The following ZFAND6 variants were observed in gnomAD, a reference collection of about 807,000 sequenced individuals.
ZFAND6 encodes the protein AN1-type zinc finger protein 6.
ZFAND6 carries 12 observed loss-of-function variants against 24.5 expected under a neutral mutation model. The ratio of observed to expected loss-of-function variants is 0.49; its 90% CI spans 0.31 to 0.79. ZFAND6 has a LOEUF of 0.79. ZFAND6 is among the 30% of genes least tolerant of loss of function. ZFAND6 has a pLI of 0.04. For synonymous variants in ZFAND6, 92 were observed against 81.5 expected, an observed-to-expected ratio of 1.13 and a Z score of -0.69; for missense variants, 207 against 245.9, an observed-to-expected ratio of 0.84 and a Z score of 1.06.
intron 2 of ZFAND6, among the ~76,000 whole-genome samples, chr15:80,112,292 A>C (rs1334743730): frequency 6.6e-6 from 1 of 152,202 alleles, no homozygotes; most frequent in African/African-American, 2.4e-5. Context: ...ACTACAAAGC[A>C]CAGTCAGTAC....
intron 2 of ZFAND6, among the ~76,000 whole-genome samples, chr15:80,104,288 G>A (rs1399015158): frequency 6.6e-6 from 1 of 152,216 alleles, no homozygotes; most frequent in Non-Finnish European, 1.5e-5. Flanking sequence ...TTGGGAGGCT[G>A]AGGCAAGTGG....
intron 2 of ZFAND6, among the ~76,000 whole-genome samples, chr15:80,110,744 C>G (rs1331645183): frequency 2.0e-5 from 3 of 152,148 alleles, no homozygotes; most frequent in Non-Finnish European, 4.4e-5. Context: ...AAAAGATGAT[C>G]ATTTTAGTAA....
chr15:80,122,859 C>T lies in ZFAND6; in HGVS notation c.364+59C>T. The stretch of plus-strand genomic sequence containing the variant: ...TGAGTATTATAGGCCAGACACTATC[C>T]TAGGTGCATGTATAAAAAAATTGCC... On this transcript the variant is annotated intron_variant, in intron 5 of 6. Coordinates refer to ENST00000261749, the MANE Select transcript of ZFAND6 (RefSeq NM_019006.4). The T allele has an allele frequency of 2.9e-6, 4 of 1,359,638 alleles. No homozygotes were observed. In the South Asian group the frequency reaches 5.2e-5, roughly 18 times the overall value. 84.2% of individuals were successfully genotyped at this position (1,359,638 alleles called of 1,614,324 possible). A position where few individuals can be genotyped will look rare whatever the true frequency, so the allele number is the denominator to read the frequency against.
intron 5 of ZFAND6, among the ~76,000 whole-genome samples, chr15:80,124,940 A>G (rs1194292154): frequency 6.6e-6 from 1 of 152,226 alleles, no homozygotes; most frequent in Non-Finnish European, 1.5e-5. Context: ...TTTATTATAA[A>G]CATACACAAA....
At chr15:80,119,283 TTATAA>T (rs2142009136) in intron 2 of ZFAND6, among the ~76,000 whole-genome samples, 1 of 152,320 alleles carries the variant, frequency 6.6e-6, no homozygotes, top group African/African-American at 2.4e-5. Flanking sequence ...TATTTTTTAG[TTATAA>T]ATACTTAAAA....
chr15:80,090,651 T>C (rs1301793041), intron 1 of ZFAND6, among the ~76,000 whole-genome samples: 1 of 152,212 alleles, frequency 6.6e-6, no homozygotes, highest in African/African-American at 2.4e-5. Context: ...TAAGTGAATT[T>C]CTAGTAGGCA....
intron 1 of ZFAND6, among the ~76,000 whole-genome samples, chr15:80,086,485 T>G (rs1218638345): frequency 6.6e-6 from 1 of 152,242 alleles, no homozygotes; most frequent in Non-Finnish European, 1.5e-5. Flanking sequence ...AAATATTCCT[T>G]GAACCAATTT....
chr15:80,118,539 AT>A (rs1567089070), intron 2 of ZFAND6, among the ~76,000 whole-genome samples: 1 of 152,214 alleles, frequency 6.6e-6, no homozygotes, highest in Non-Finnish European at 1.5e-5. Flanking sequence ...TGTGCTTGTT[AT>A]TTTTTAATGT....
At chr15:80,122,114 T>A (rs952992826) in intron 4 of ZFAND6, among the ~76,000 whole-genome samples, 1 of 152,178 alleles carries the variant, frequency 6.6e-6, no homozygotes, top group African/African-American at 2.4e-5. Flanking sequence ...GTTAGTCTTA[T>A]TCTGCAAGTA....
chr15:80,135,805 C>T (rs1266278116), intron 6 of ZFAND6, among the ~76,000 whole-genome samples: 1 of 151,670 alleles, frequency 6.6e-6, no homozygotes, highest in Non-Finnish European at 1.5e-5. Context: ...TCAGATTTGC[C>T]CATACCTTAG....
chr15:80,100,933 C>T (rs1195971793), intron 2 of ZFAND6, among the ~76,000 whole-genome samples: 1 of 152,084 alleles, frequency 6.6e-6, no homozygotes, highest in Non-Finnish European at 1.5e-5. Context: ...AAAATAGATA[C>T]AGTAATAATT....
intron 5 of ZFAND6, chr15:80,130,606 CA>C (rs1386119333): frequency 6.6e-6 from 1 of 152,200 alleles, no homozygotes; most frequent in Admixed American, 6.5e-5. Flanking sequence ...CTTTGGTTTC[CA>C]TACATAAATG....
At chr15:80,122,619 T>C in intron 4 of ZFAND6, 81 bp from the exon 5 acceptor site, 1 of 844,974 alleles carries the variant, frequency 1.2e-6, no homozygotes, top group East Asian at 2.4e-5. Flanking sequence ...TACTTAGATA[T>C]GTTGAACTCT....
chr15:80,090,156 C>T (rs1362840447), intron 1 of ZFAND6, among the ~76,000 whole-genome samples: 2 of 152,174 alleles, frequency 1.3e-5, no homozygotes, highest in Non-Finnish European at 2.9e-5. Flanking sequence ...TTTCAGCTTA[C>T]GTAGCTATTA....
chr15:80,069,376 A>G (rs2036843416), intron 1 of ZFAND6, among the ~76,000 whole-genome samples: 1 of 152,208 alleles, frequency 6.6e-6, no homozygotes, highest in Non-Finnish European at 1.5e-5. Flanking sequence ...CCTAAAACAA[A>G]GCAATGTACT....
At chr15:80,096,315 T>A (rs1047906397) in intron 1 of ZFAND6, among the ~76,000 whole-genome samples, 4 of 152,212 alleles carry the variant, frequency 2.6e-5, no homozygotes, top group Non-Finnish European at 4.4e-5. Context: ...ATTGGTACAG[T>A]TTATGTTTTA....
chr15:80,120,482 T>C lies in ZFAND6; in HGVS notation c.138T>C (p.Gly46=). Residue 46 remains glycine, a synonymous_variant, in exon 3 of 7, where the codon GGT becomes GGC. Transcript: ENST00000261749. ...TTCAAAGACAGAATAGTAGTAATGG[T>C]AGAATAAGCCCACCTGGTAAGTAAT... is the stretch of plus-strand genomic sequence containing the variant. ...EHLQRQNSSN[G]RISPPATSVS... The C allele has an allele frequency of 6.4e-7, 1 of 1,551,866 alleles. No individual in the cohort carries two copies. The highest frequency in any genetic ancestry group is 8.8e-7 in the Non-Finnish European group (1 of 1,142,674).
intron 4 of ZFAND6, among the ~76,000 whole-genome samples, chr15:80,122,166 A>G (rs1300112553): frequency 6.6e-6 from 1 of 152,060 alleles, no homozygotes. Context: ...GTCACACATT[A>G]TCTTTGTTTA....
chr15:80,129,436 C>T lies in ZFAND6; in HGVS notation c.365-1744C>T, dbSNP rs145943029. On this transcript the variant is annotated intron_variant, in intron 5 of 6. Coordinates refer to ENST00000261749, the MANE Select transcript of ZFAND6 (RefSeq NM_019006.4). ...TGGTAGCATAAGCAGGTTAGAATCA[C>T]AGCAAATGTCTGAGCATGTATTACA... Among the ~76,000 whole-genome samples the T allele has an allele frequency of 6.0e-4, 91 of 152,292 alleles. 1 individual carries two copies. In the East Asian group the frequency reaches 0.011, roughly 18 times the overall value.
Sources: gnomAD v4.1 joint callset for allele counts (sites outside exome capture counted in the v4.1 genomes callset) on GRCh38, gnomAD v4.1.1 for gene constraint, MANE v1.5 for transcripts, NCBI Gene and HGNC (gene_info 2026-07-23, HGNC 2026-07-21) for gene names.